CPA6: variants seen among roughly 807,000 people sequenced by gnomAD.
CPA6 encodes carboxypeptidase B.
In CPA6, 58 loss-of-function variants were observed where a neutral mutation model predicts 63.3. The ratio of observed to expected loss-of-function variants is 0.92; its 90% CI spans 0.74 to 1.14. CPA6 has a LOEUF of 1.14. Ranked by LOEUF, CPA6 falls within the 50% of genes most tolerant of loss-of-function variation. The pLI, the probability that CPA6 is intolerant of heterozygous loss-of-function variation, is 0.00. For synonymous variants in CPA6, 185 were observed against 179.0 expected, an observed-to-expected ratio of 1.03 and a Z score of -0.27; for missense variants, 565 against 526.6, an observed-to-expected ratio of 1.07 and a Z score of -0.71.
intron 8 of CPA6, among the ~76,000 whole-genome samples, chr8:67,475,767 C>CTCTTTCTTTCTTTCTTTCTTTCTT (rs71253008): frequency 1.4e-5 from 1 of 71,604 alleles, no homozygotes; most frequent in Non-Finnish European, 2.9e-5. Flanking sequence ...TTCTTTCTTT[C>CTCTTTCTTTCTTTCTTTCTTTCTT]TCTTTCTTTC....
At chr8:67,667,546 AG>A (rs1816257269) in intron 1 of CPA6, among the ~76,000 whole-genome samples, 1 of 152,188 alleles carries the variant, frequency 6.6e-6, no homozygotes. Flanking sequence ...TAAAGCTTAG[AG>A]GACTTTGGGT....
chr8:67,584,476 T>G (rs1185695543), intron 2 of CPA6, among the ~76,000 whole-genome samples: 1 of 152,224 alleles, frequency 6.6e-6, no homozygotes, highest in African/African-American at 2.4e-5. Flanking sequence ...GTGACTATTA[T>G]AAGGCCTAGC....
At chr8:67,735,246 C>T (rs921188042) in intron 1 of CPA6, 2 of 152,108 alleles carry the variant, frequency 1.3e-5, no homozygotes, top group African/African-American at 4.8e-5. Context: ...ACTGTCGTTT[C>T]CTCTGCAAGA....
chr8:67,709,109 A>T (rs1452120253), intron 1 of CPA6, among the ~76,000 whole-genome samples: 1 of 152,158 alleles, frequency 6.6e-6, no homozygotes, highest in Non-Finnish European at 1.5e-5. Flanking sequence ...CTCTAGGAAC[A>T]CTCAACTGAT....
rs150705830 is a variant in CPA6, at chr8:67,605,639, C to A, written c.192+18537G>T. On this transcript the variant is annotated intron_variant, in intron 2 of 10. Coordinates refer to ENST00000297770, the MANE Select transcript of CPA6 (RefSeq NM_020361.5). ...TGATCTGTGATAGTCAGTGGATCCA[C>A]AAGGCTTATGGCTAGAAGTCCCAGA... is the stretch of plus-strand genomic sequence containing the variant. Among the ~76,000 whole-genome samples, 600 of 150,682 alleles carry A rather than the reference C, an allele frequency of 4.0e-3. 5 individuals are homozygous for A. The highest frequency in any genetic ancestry group is 0.013 in the African/African-American group (522 of 40,976).
Position 67,511,606 on chromosome 8 carries a change from G to T in CPA6, c.367C>A (p.His123Asn), listed in dbSNP as rs886044613. 6.2e-7 allele frequency: 1 copy of T among 1,612,392 alleles called. No homozygotes were observed. The highest frequency in any genetic ancestry group is 8.5e-7 in the Non-Finnish European group (1 of 1,178,654). ...AGGGATCTTCGGTTTCTCTGGGTGT[G>T]CAAGCTGCTTCCCTTCTCCAGTGTT... ...QKTLEKGSSLHTQRNRRSLSG... is the reference protein window; with the variant it reads ...QKTLEKGSSLNTQRNRRSLSG... The change falls in exon 4 of 11, where the codon CAC (histidine) becomes AAC (asparagine). Residue 123 changes from histidine (H) to asparagine (N), a missense_variant. His to Asn is a moderately conservative substitution (Grantham distance 68). Transcript: ENST00000297770.
intron 8 of CPA6, among the ~76,000 whole-genome samples, chr8:67,468,246 T>C (rs1335156834): frequency 6.6e-6 from 1 of 152,148 alleles, no homozygotes; most frequent in Non-Finnish European, 1.5e-5. Context: ...TGATTATATG[T>C]TTGGGTTTAT....
chr8:67,486,833 C>T (rs1397402620), intron 6 of CPA6, among the ~76,000 whole-genome samples: 1 of 151,640 alleles, frequency 6.6e-6, no homozygotes, highest in Non-Finnish European at 1.5e-5. Context: ...ATTTTATTGA[C>T]TTCTGCTCTT....
chr8:67,605,418 A>G (rs1814606844), intron 2 of CPA6, among the ~76,000 whole-genome samples: 1 of 152,112 alleles, frequency 6.6e-6, no homozygotes, highest in Admixed American at 6.5e-5. Context: ...TAACCTACAC[A>G]CATTCTCCTG....
chr8:67,503,737 ATAT>A (rs1216460602), intron 6 of CPA6, among the ~76,000 whole-genome samples: 5 of 151,904 alleles, frequency 3.3e-5, no homozygotes, highest in Non-Finnish European at 5.9e-5. Context: ...TGCATGCATT[ATAT>A]TATTATTATT....
intron 2 of CPA6, among the ~76,000 whole-genome samples, chr8:67,596,550 T>G (rs1380810561): frequency 2.0e-5 from 3 of 151,878 alleles, no homozygotes; most frequent in Non-Finnish European, 4.4e-5. Context: ...TTTTTTACTC[T>G]ACTTTGAAAT....
chr8:67,689,893 C>T (rs576676089), intron 1 of CPA6, among the ~76,000 whole-genome samples: 2 of 152,336 alleles, frequency 1.3e-5, no homozygotes, highest in African/African-American at 4.8e-5. Flanking sequence ...TTCCCACCAA[C>T]AGTGAATAAG....
intron 1 of CPA6, among the ~76,000 whole-genome samples, chr8:67,687,331 G>T (rs1370814790): frequency 6.6e-6 from 1 of 152,114 alleles, no homozygotes; most frequent in Admixed American, 6.5e-5. Flanking sequence ...TAAGTTATAA[G>T]ATATGACCCA....
intron 2 of CPA6, among the ~76,000 whole-genome samples, chr8:67,549,089 T>C (rs1478586542): frequency 6.6e-6 from 1 of 151,918 alleles, no homozygotes; most frequent in African/African-American, 2.4e-5. Context: ...AATGATGGAG[T>C]GGAGCATAAT....
intron 8 of CPA6, 180 bp downstream of exon 8, chr8:67,483,579 TATTAAAAAA>T (rs1811404308): frequency 3.3e-6 from 2 of 597,634 alleles, no homozygotes; most frequent in Non-Finnish European, 6.0e-6. Flanking sequence ...GATTTTTATA[TATTAAAAAA>T]GAATCCTTTC....
chr8:67,528,893 T>C (rs1286083870), intron 2 of CPA6, among the ~76,000 whole-genome samples: 2 of 151,822 alleles, frequency 1.3e-5, no homozygotes, highest in Non-Finnish European at 2.9e-5. Flanking sequence ...AATGTTGGTA[T>C]GTTCTGCCAA....
chr8:67,514,271 T>G (rs1812100207), intron 3 of CPA6, among the ~76,000 whole-genome samples: 2 of 152,076 alleles, frequency 1.3e-5, no homozygotes, highest in African/African-American at 2.4e-5. Context: ...AAATAGAAAT[T>G]TCATCACCAA....
chr8:67,632,050 C>A (rs1022862680), intron 1 of CPA6, among the ~76,000 whole-genome samples: 2 of 152,110 alleles, frequency 1.3e-5, no homozygotes, highest in African/African-American at 4.8e-5. Context: ...AAGAACCCAC[C>A]AATTCTGGAC....
chr8:67,561,956 C>T (rs897833214), intron 2 of CPA6, among the ~76,000 whole-genome samples: 3 of 152,144 alleles, frequency 2.0e-5, no homozygotes, highest in Non-Finnish European at 4.4e-5. Context: ...GCAGCTAGGA[C>T]ACTATTAGCA....
Sources: gnomAD v4.1 joint callset for allele counts (sites outside exome capture counted in the v4.1 genomes callset) on GRCh38, gnomAD v4.1.1 for gene constraint, MANE v1.5 for transcripts, NCBI Gene and HGNC (gene_info 2026-07-23, HGNC 2026-07-21) for gene names.